NAALADL2: variants seen among roughly 807,000 people sequenced by gnomAD.
NAALADL2 encodes inactive N-acetylated-alpha-linked acidic dipeptidase-like protein 2.
In NAALADL2, 76 loss-of-function variants were observed where a neutral mutation model predicts 87.2. That is an observed-to-expected ratio of 0.87 (90% confidence interval 0.72 to 1.05). The LOEUF (loss-of-function observed/expected upper bound fraction) is 1.05. NAALADL2 is among the 50% of genes least tolerant of loss of function. NAALADL2 has a pLI of 0.00. For synonymous variants in NAALADL2, 354 were observed against 331.0 expected (o/e 1.07, Z -0.75); for missense variants, 1,089 against 945.8 (o/e 1.15, Z -1.99).
chr3:175,648,718 A>G (rs1177663437), intron 11 of NAALADL2, among the ~76,000 whole-genome samples: 1 of 152,180 alleles, frequency 6.6e-6, no homozygotes, highest in Non-Finnish European at 1.5e-5. Context: ...GAGATGTTCT[A>G]TTTTTAAAAT....
intron 1 of NAALADL2, among the ~76,000 whole-genome samples, chr3:174,957,960 G>A (rs1341562634): frequency 6.6e-6 from 1 of 151,816 alleles, no homozygotes; most frequent in Non-Finnish European, 1.5e-5. Flanking sequence ...AATGTAGTTT[G>A]TTAATGTAGT....
Position 175,627,364 on chromosome 3 carries a change from A to T in NAALADL2, c.1874A>T (p.Asn625Ile). ...ATTGAAGAAATGGATCCCTCTTTCA[A>T]CCTTCATGAAACCATTACTAAGGTA... ...TKIEEMDPSFNLHETITKLSG... is the reference protein window; with the variant it reads ...TKIEEMDPSFILHETITKLSG... Residue 625 changes from asparagine (N) to isoleucine (I), a missense_variant, in exon 11 of 14, where the codon AAC (asparagine) becomes ATC (isoleucine). Physicochemically the swap from Asn to Ile is moderately radical, Grantham distance 149. Transcript: ENST00000454872. 6.4e-7 allele frequency: 1 copy of T among 1,561,610 alleles called. No individual in the cohort carries two copies. The highest frequency in any genetic ancestry group is 8.7e-7 in the Non-Finnish European group (1 of 1,150,394).
intron 2 of NAALADL2, among the ~76,000 whole-genome samples, chr3:174,581,661 C>T (rs1012136649): frequency 3.3e-5 from 5 of 152,080 alleles, no homozygotes; most frequent in Non-Finnish European, 5.9e-5. Context: ...AACTATCTAC[C>T]GCATTTTTAG....
intron 3 of NAALADL2, among the ~76,000 whole-genome samples, chr3:174,844,983 G>A (rs1001831623): frequency 3.3e-5 from 5 of 151,768 alleles, no homozygotes; most frequent in African/African-American, 9.7e-5. Flanking sequence ...CCTCGGGCCA[G>A]GGGGAGTGGG....
chr3:175,516,170 CATTG>C (rs1393745766), intron 9 of NAALADL2, among the ~76,000 whole-genome samples: 1 of 152,164 alleles, frequency 6.6e-6, no homozygotes, highest in Non-Finnish European at 1.5e-5. Context: ...CCATTTGTAA[CATTG>C]ATTGTTGTCA....
At chr3:174,801,783 G>GAT (rs3040102) in intron 3 of NAALADL2, among the ~76,000 whole-genome samples, 1 of 151,192 alleles carries the variant, frequency 6.6e-6, no homozygotes, top group African/African-American at 2.4e-5. Flanking sequence ...ATTTTAATAT[G>GAT]ATATATATAT....
At chr3:175,210,984 C>T (rs552882886) in intron 2 of NAALADL2, among the ~76,000 whole-genome samples, 1 of 151,794 alleles carries the variant, frequency 6.6e-6, no homozygotes, top group East Asian at 1.9e-4. Context: ...GTTTTCCATG[C>T]TGTAAAATTT....
At chr3:175,697,805 A>AT (rs990701822) in intron 11 of NAALADL2, among the ~76,000 whole-genome samples, 3 of 143,302 alleles carry the variant, frequency 2.1e-5, no homozygotes, top group Non-Finnish European at 4.5e-5. Flanking sequence ...ATATGTATAT[A>AT]TATTTATGTA....
At chr3:175,349,594 C>A (rs1489875785) in intron 5 of NAALADL2, among the ~76,000 whole-genome samples, 1 of 152,002 alleles carries the variant, frequency 6.6e-6, no homozygotes, top group African/African-American at 2.4e-5. Flanking sequence ...AGAAAACAGA[C>A]CCTTGCTTCA....
rs184018705 is a variant in NAALADL2, at chr3:174,882,775, A to T, written c.43+23325A>T. ...CACGTGTATATATACACACGTGTAT[A>T]TATACATATGTGTATATATACACGT... On this transcript the variant is annotated intron_variant, in intron 1 of 13. Transcript: ENST00000454872. Among the ~76,000 whole-genome samples the T allele has an allele frequency of 1.2e-3, 154 of 129,742 alleles. No individual in the cohort carries two copies. In the Middle Eastern group the frequency reaches 0.025, roughly 21 times the overall value. 85.1% of individuals were successfully genotyped at this position (129,742 alleles called of 152,430 possible).
chr3:175,203,012 T>A (rs1447109850), intron 2 of NAALADL2, among the ~76,000 whole-genome samples: 1 of 151,882 alleles, frequency 6.6e-6, no homozygotes, highest in Non-Finnish European at 1.5e-5. Flanking sequence ...TGTTTCCAGG[T>A]GGTGGACGAG....
chr3:175,458,112 C>T (rs1722592196), intron 6 of NAALADL2, among the ~76,000 whole-genome samples: 1 of 151,956 alleles, frequency 6.6e-6, no homozygotes, highest in Admixed American at 6.6e-5. Context: ...ATAAGATGTA[C>T]CAAATCATCT....
chr3:175,401,922 T>C (rs1314009319), intron 5 of NAALADL2, among the ~76,000 whole-genome samples: 4 of 152,020 alleles, frequency 2.6e-5, no homozygotes, highest in Admixed American at 2.0e-4. Context: ...TTTGATAATG[T>C]AGGTTATTTT....
chr3:174,980,073 C>G (rs1000762689), intron 1 of NAALADL2, among the ~76,000 whole-genome samples: 4 of 152,184 alleles, frequency 2.6e-5, no homozygotes, highest in African/African-American at 7.2e-5. Flanking sequence ...ATGCCTCTCT[C>G]ACCTTTTCAC....
chr3:174,736,007 C>T (rs1166083319), intron 2 of NAALADL2, among the ~76,000 whole-genome samples: 1 of 152,112 alleles, frequency 6.6e-6, no homozygotes, highest in Non-Finnish European at 1.5e-5. Context: ...TGGGCAGCTC[C>T]AGGCACTGGC....
At chr3:174,576,582 G>T (rs1715549360) in intron 2 of NAALADL2, among the ~76,000 whole-genome samples, 1 of 152,146 alleles carries the variant, frequency 6.6e-6, no homozygotes, top group African/African-American at 2.4e-5. Flanking sequence ...CTGAATGGAT[G>T]ACAGTGATGT....
intron 1 of NAALADL2, among the ~76,000 whole-genome samples, chr3:174,463,513 T>G (rs957759775): frequency 1.3e-5 from 2 of 152,046 alleles, no homozygotes; most frequent in African/African-American, 4.8e-5. Context: ...ATAGGTTGAA[T>G]GAAGAATACC....
At chr3:175,376,924 C>A (rs111526187) in intron 5 of NAALADL2, among the ~76,000 whole-genome samples, 1 of 151,756 alleles carries the variant, frequency 6.6e-6, no homozygotes, top group African/African-American at 2.4e-5. Flanking sequence ...TTTTTCATTT[C>A]GGGTATTCTG....
At chr3:174,502,365 AT>A (rs1030963218) in intron 1 of NAALADL2, among the ~76,000 whole-genome samples, 1 of 152,176 alleles carries the variant, frequency 6.6e-6, no homozygotes, top group Non-Finnish European at 1.5e-5. Context: ...ATACTTTTTA[AT>A]TCTTTTAACT....
Sources: gnomAD v4.1 joint callset for allele counts (sites outside exome capture counted in the v4.1 genomes callset) on GRCh38, gnomAD v4.1.1 for gene constraint, MANE v1.5 for transcripts, NCBI Gene and HGNC (gene_info 2026-07-23, HGNC 2026-07-21) for gene names.